The following MDFIC variants were observed in gnomAD, a reference collection of about 807,000 sequenced individuals.
The protein encoded by MDFIC is MyoD family inhibitor domain containing.
MDFIC carries 17 observed loss-of-function variants against 23.2 expected under a neutral mutation model. That is an observed-to-expected ratio of 0.73 (90% CI 0.50 to 1.10). The LOEUF is 1.10. Ranked by LOEUF, MDFIC falls within the 50% of genes least tolerant of loss-of-function variation. The probability of loss-of-function intolerance (pLI) is 0.00; values close to 1 mark genes in which losing one functional copy is unlikely to be tolerated. For missense variants in MDFIC, 356 were observed against 316.6 expected (o/e 1.12, Z -0.95); for synonymous variants, 120 against 115.2 (o/e 1.04, Z -0.27).
intron 4 of MDFIC, among the ~76,000 whole-genome samples, chr7:114,981,618 T>C (rs140866520): frequency 1.2e-4 from 19 of 152,340 alleles, no homozygotes; most frequent in African/African-American, 4.6e-4. Context: ...ATGTTCCAGA[T>C]TGGGTTGGAG....
At chr7:114,999,317 C>A (rs775343647) in intron 4 of MDFIC, among the ~76,000 whole-genome samples, 1 of 151,930 alleles carries the variant, frequency 6.6e-6, no homozygotes, top group African/African-American at 2.4e-5. Context: ...ATCAAACACC[C>A]GGAACTTTTC....
rs116252214 is a variant in MDFIC at position 115,008,608 on chromosome 7, C to T, written c.494-7080C>T. 3.6e-3 allele frequency among the ~76,000 whole-genome samples: 541 copies of T among 152,222 alleles called. 2 individuals are homozygous for T. The highest frequency in any genetic ancestry group is 0.012 in the African/African-American group (515 of 41,532). On this transcript the variant is annotated intron_variant, in intron 4 of 4. Coordinates refer to ENST00000393486, the MANE Select transcript of MDFIC (RefSeq NM_001166345.3). ...AGGGCTGTTGGCCAGAAGTGCTGTGCGTCCTCTGTCTTGGAGACATGGAGC... is the reference window on the plus strand; with the variant it reads ...AGGGCTGTTGGCCAGAAGTGCTGTGTGTCCTCTGTCTTGGAGACATGGAGC...
chr7:114,935,501 G>A (rs1451518126), intron 2 of MDFIC, among the ~76,000 whole-genome samples: 1 of 148,760 alleles, frequency 6.7e-6, no homozygotes, highest in Admixed American at 6.9e-5. Flanking sequence ...ATAAAGTATG[G>A]GTAACAAGTA....
intron 4 of MDFIC, among the ~76,000 whole-genome samples, chr7:114,980,788 G>A (rs1793404528): frequency 6.6e-6 from 1 of 152,192 alleles, no homozygotes; most frequent in South Asian, 2.1e-4. Context: ...CCTCTGTGAA[G>A]TTGGTCATGC....
intron 3 of MDFIC, among the ~76,000 whole-genome samples, chr7:114,979,168 A>G (rs1260057439): frequency 1.3e-5 from 2 of 152,210 alleles, no homozygotes; most frequent in South Asian, 2.1e-4. Context: ...GGCTCAGCAT[A>G]TAGAAAATAA....
At chr7:115,014,664 G>A in intron 4 of MDFIC, 2 of 570,146 alleles carry the variant, frequency 3.5e-6, no homozygotes, top group Non-Finnish European at 4.8e-6. Flanking sequence ...AATTAATTCT[G>A]GTAAAAATTC....
At chr7:114,931,956 C>G (rs1276220460) in intron 2 of MDFIC, among the ~76,000 whole-genome samples, 3 of 152,146 alleles carry the variant, frequency 2.0e-5, no homozygotes, top group Non-Finnish European at 4.4e-5. Flanking sequence ...TCCTCCTACT[C>G]TTTTTCAAGG....
Position 114,922,319 on chromosome 7 carries a change from G to A in MDFIC, c.-425G>A. 2 of 987,580 alleles carry A rather than the reference G, an allele frequency of 2.0e-6. No individual in the cohort carries two copies. Among genetic ancestry groups the A allele is most frequent in the Admixed American group, 4.3e-5 (1 of 23,378 alleles). 61.2% of individuals were successfully genotyped at this position (987,580 alleles called of 1,614,324 possible). A position where few individuals can be genotyped will look rare whatever the true frequency, so the allele number is the denominator to read the frequency against. ...AGCAACAGAGGGAGAAGTGTTTCAG[G>A]ATTGTAGGAGTGGAAGAGGGGAAAG... is the stretch of plus-strand genomic sequence containing the variant. On this transcript the variant is annotated 5_prime_UTR_variant, in exon 1 of 5. Coordinates refer to ENST00000393486, the MANE Select transcript of MDFIC (RefSeq NM_001166345.3).
intron 4 of MDFIC, among the ~76,000 whole-genome samples, chr7:114,998,039 A>G (rs1342257855): frequency 6.6e-6 from 1 of 152,194 alleles, no homozygotes; most frequent in Non-Finnish European, 1.5e-5. Flanking sequence ...TGAAAAATAC[A>G]CTAAAAGTTT....
rs192246043 is a variant in MDFIC, at chr7:115,002,725, A to T, written c.494-12963A>T. The stretch of plus-strand genomic sequence containing the variant: ...GAGCCTGTTTTTACCTTCCATTCAA[A>T]GGAGGAGATACAGCTCTTCCTGTTG... On this transcript the variant is annotated intron_variant, in intron 4 of 4. Coordinates refer to ENST00000393486, the MANE Select transcript of MDFIC (RefSeq NM_001166345.3). Among the ~76,000 whole-genome samples the T allele has an allele frequency of 7.2e-4, 110 of 152,292 alleles. 1 individual carries two copies. The Middle Eastern group carries it at 0.02, about 28-fold the overall frequency.
rs761364253 is a variant in MDFIC at position 114,942,345 on chromosome 7, G to A, written c.165G>A (p.Glu55=). The A allele has an allele frequency of 4.4e-6, 7 of 1,606,912 alleles. No homozygotes were observed. The highest frequency in any genetic ancestry group is 3.4e-5 in the Admixed American group (2 of 59,644). ...QATNSHFTHG[E]MQDQSIWGNP... is the part of the protein sequence containing the mutation. ...CCAATAGCCACTTCACACATGGAGA[G>A]ATGCAAGACCAGTCCATTTGGGGAA... The change falls in exon 3 of 5, where the codon GAG becomes GAA. Residue 55 remains glutamate (E), a synonymous_variant. Transcript: ENST00000393486.
chr7:115,006,395 A>G (rs1791570902), intron 4 of MDFIC, among the ~76,000 whole-genome samples: 1 of 152,160 alleles, frequency 6.6e-6, no homozygotes, highest in Non-Finnish European at 1.5e-5. Flanking sequence ...CAGTAGGCTA[A>G]TATCAGTGAC....
chr7:114,997,403 C>T (rs758786097), intron 4 of MDFIC, among the ~76,000 whole-genome samples: 1 of 150,878 alleles, frequency 6.6e-6, no homozygotes, highest in African/African-American at 2.4e-5. Flanking sequence ...TATGTGCATG[C>T]GTGCATGTGT....
chr7:114,930,559 G>C (rs992743325), intron 2 of MDFIC, among the ~76,000 whole-genome samples: 1 of 152,176 alleles, frequency 6.6e-6, no homozygotes, highest in Non-Finnish European at 1.5e-5. Flanking sequence ...TTTTGGGTGT[G>C]TAAAGGCTTT....
At chr7:114,993,897 G>T (rs567628044) in intron 4 of MDFIC, among the ~76,000 whole-genome samples, 111 of 152,034 alleles carry the variant, frequency 7.3e-4, no homozygotes, top group Non-Finnish European at 1.3e-3. Flanking sequence ...CAGTTCCTGG[G>T]TATCCTTGTT....
chr7:114,922,929 G>A lies in MDFIC; in HGVS notation c.-105G>A, dbSNP rs1792114673. ...AATTTTGTATATTTTTCCGCCAGAA[G>A]CAGTCAGTTCCCTGCACCCAGCACC... On this transcript the variant is annotated splice_region_variant and 5_prime_UTR_variant, in exon 2 of 5. Coordinates refer to ENST00000393486, the MANE Select transcript of MDFIC (RefSeq NM_001166345.3). 16 of 1,591,112 alleles carry A rather than the reference G, an allele frequency of 1.0e-5. No homozygotes were observed. The highest frequency in any genetic ancestry group is 1.7e-5 in the Admixed American group (1 of 58,738).
In MDFIC at chr7:114,922,647, G is replaced by T; in HGVS notation, c.-108+11G>T. On this transcript the variant is annotated intron_variant, in intron 1 of 4. Coordinates refer to ENST00000393486, the MANE Select transcript of MDFIC (RefSeq NM_001166345.3). ...CGGGGGGATGCGGAGGTAGGTAGTG[G>T]TCTCCGGGCGGGGAAGAGGAGGGGT... is the stretch of plus-strand genomic sequence containing the variant. The T allele has an allele frequency of 7.6e-7, 1 of 1,309,118 alleles. No homozygotes were observed. The highest frequency in any genetic ancestry group is 9.8e-7 in the Non-Finnish European group (1 of 1,024,666). 81.1% of individuals were successfully genotyped at this position (1,309,118 alleles called of 1,614,324 possible).
intron 2 of MDFIC, among the ~76,000 whole-genome samples, chr7:114,937,339 C>G (rs1305849034): frequency 6.6e-6 from 1 of 152,092 alleles, no homozygotes; most frequent in African/African-American, 2.4e-5. Flanking sequence ...TTAGTTTTTC[C>G]ATTTTCTCTT....
At chr7:114,938,254 C>A (rs1792468149) in intron 2 of MDFIC, among the ~76,000 whole-genome samples, 1 of 152,126 alleles carries the variant, frequency 6.6e-6, no homozygotes, top group Admixed American at 6.5e-5. Context: ...CCATGCCCAG[C>A]CAGATTTTGT....
Sources: gnomAD v4.1 joint callset for allele counts (sites outside exome capture counted in the v4.1 genomes callset) on GRCh38, gnomAD v4.1.1 for gene constraint, MANE v1.5 for transcripts, NCBI Gene and HGNC (gene_info 2026-07-23, HGNC 2026-07-21) for gene names.